UST: variants seen among roughly 807,000 people sequenced by gnomAD.
UST encodes uronyl 2-sulfotransferase.
A neutral mutation model predicts 45.6 loss-of-function variants in UST; 21 were observed. That is an observed-to-expected ratio of 0.46 (90% CI 0.33 to 0.66). UST has a LOEUF of 0.66. UST is among the 30% of genes least tolerant of loss of function. The pLI is 0.02. For synonymous variants in UST, 215 were observed against 200.6 expected (o/e 1.07, Z -0.61); for missense variants, 463 against 512.4 (o/e 0.90, Z 0.93).
intron 2 of UST, among the ~76,000 whole-genome samples, chr6:148,923,082 G>C (rs1351107459): frequency 6.6e-6 from 1 of 152,156 alleles, no homozygotes; most frequent in African/African-American, 2.4e-5. Flanking sequence ...ACAGGCATAA[G>C]CCTTTTAGTG....
chr6:148,797,733 G>A lies in UST; in HGVS notation c.247+50056G>A, dbSNP rs533826891. On this transcript the variant is annotated intron_variant, in intron 1 of 7. Transcript: ENST00000367463. ...TTTGCATTGAGTTTTGAAAGACAAC[G>A]AGGAGTTGTTCATAGGAAGGAGGGA... Among the ~76,000 whole-genome samples, 7 of 152,270 alleles carry A rather than the reference G, an allele frequency of 4.6e-5. No individual in the cohort carries two copies. In the South Asian group the frequency reaches 8.3e-4, roughly 18 times the overall value.
intron 1 of UST, 71 bp downstream of exon 1, chr6:148,747,748 C>T: frequency 2.0e-6 from 3 of 1,465,026 alleles, no homozygotes; most frequent in African/African-American, 1.5e-5. Flanking sequence ...AGGGTCGCGG[C>T]GGGGACTTCT....
At chr6:148,797,374 T>C (rs1244106835) in intron 1 of UST, among the ~76,000 whole-genome samples, 1 of 152,266 alleles carries the variant, frequency 6.6e-6, no homozygotes, top group Non-Finnish European at 1.5e-5. Context: ...TTTTATATGC[T>C]GCTTTATATA....
intron 7 of UST, among the ~76,000 whole-genome samples, chr6:149,022,369 G>A (rs1323040579): frequency 6.6e-6 from 1 of 152,136 alleles, no homozygotes; most frequent in Non-Finnish European, 1.5e-5. Flanking sequence ...GGAGGCCGAG[G>A]CAGGTGGATC....
intron 2 of UST, among the ~76,000 whole-genome samples, chr6:148,937,481 T>TA (rs1562305900): frequency 6.6e-6 from 1 of 152,212 alleles, no homozygotes; most frequent in Non-Finnish European, 1.5e-5. Flanking sequence ...TAACATCTTT[T>TA]AAAAAATGAA....
At chr6:149,059,024 G>A (rs542687392) in intron 7 of UST, among the ~76,000 whole-genome samples, 2 of 152,128 alleles carry the variant, frequency 1.3e-5, no homozygotes, top group South Asian at 2.1e-4. Flanking sequence ...CCATGATGCC[G>A]AACTTGGGGA....
intron 1 of UST, among the ~76,000 whole-genome samples, chr6:148,862,828 C>CA (rs1778345779): frequency 6.6e-6 from 1 of 152,204 alleles, no homozygotes; most frequent in African/African-American, 2.4e-5. Flanking sequence ...TATTGGCCCC[C>CA]ACTCTCTTCT....
At chr6:149,046,458 G>C (rs1776397096) in intron 7 of UST, among the ~76,000 whole-genome samples, 1 of 152,234 alleles carries the variant, frequency 6.6e-6, no homozygotes, top group African/African-American at 2.4e-5. Flanking sequence ...TCTTCTATCT[G>C]TGAAGTTTTC....
intron 4 of UST, 79 bp from the exon 5 acceptor site, chr6:148,964,331 G>A: frequency 1.3e-6 from 2 of 1,546,676 alleles, no homozygotes; most frequent in Middle Eastern, 1.7e-4. Context: ...TAACCTAGAG[G>A]GAAGGGGAGA....
intron 1 of UST, among the ~76,000 whole-genome samples, chr6:148,870,294 C>T (rs753745177): frequency 3.9e-5 from 6 of 152,160 alleles, no homozygotes; most frequent in Admixed American, 6.5e-5. Context: ...TCTCAGTGCC[C>T]TCCTGACCCC....
At chr6:149,064,526 G>A (rs947862475) in intron 7 of UST, among the ~76,000 whole-genome samples, 10 of 152,176 alleles carry the variant, frequency 6.6e-5, no homozygotes, top group East Asian at 1.9e-4. Flanking sequence ...ATTCCTGTGC[G>A]TGGTGCAGAA....
At chr6:149,021,819 A>G (rs954227502) in intron 7 of UST, among the ~76,000 whole-genome samples, 4 of 152,204 alleles carry the variant, frequency 2.6e-5, no homozygotes, top group African/African-American at 9.6e-5. Flanking sequence ...TGTCTTGAGC[A>G]TGTTGTTGGG....
chr6:148,747,566 C>G lies in UST; in HGVS notation c.136C>G (p.Arg46Gly). 6.3e-7 allele frequency: 1 copy of G among 1,582,104 alleles called. No individual in the cohort carries two copies. Among genetic ancestry groups the G allele is most frequent in the Non-Finnish European group, 8.6e-7 (1 of 1,165,936 alleles). Residue 46 changes from arginine (R) to glycine (G), a missense_variant, in exon 1 of 8, where the codon CGG becomes GGG. This residue lies in a region of UST where 176 missense variants were observed against 138.3 expected (regional missense o/e 1.27). Coordinates refer to ENST00000367463, the MANE Select transcript of UST (RefSeq NM_005715.3). Reference sequence around the variant, plus strand: ...GCTGCCTTTCCTGCGCTTCTCCCTCCGGGACTACGGCTTCTGCATGGCCAC... The same window carrying G: ...GCTGCCTTTCCTGCGCTTCTCCCTCGGGGACTACGGCTTCTGCATGGCCAC... ...PLLPFLRFSL[R>G]DYGFCMATLL...
intron 7 of UST, among the ~76,000 whole-genome samples, chr6:149,055,070 C>G (rs1208981732): frequency 6.6e-6 from 1 of 152,018 alleles, no homozygotes; most frequent in Non-Finnish European, 1.5e-5. Flanking sequence ...GCAGTCAGCC[C>G]AGCCAGGAGG....
chr6:148,852,164 T>C (rs1010356479), intron 1 of UST, among the ~76,000 whole-genome samples: 2 of 152,186 alleles, frequency 1.3e-5, no homozygotes, highest in South Asian at 4.2e-4. Context: ...GTGTTGTCAT[T>C]AAGAAAGGAC....
At chr6:148,749,902 C>G (rs1332801605) in intron 1 of UST, among the ~76,000 whole-genome samples, 1 of 152,134 alleles carries the variant, frequency 6.6e-6, no homozygotes, top group Non-Finnish European at 1.5e-5. Flanking sequence ...TACCCTTGGC[C>G]AAATTTGTTC....
At chr6:148,946,193 G>C (rs951971180) in intron 3 of UST, among the ~76,000 whole-genome samples, 1 of 152,114 alleles carries the variant, frequency 6.6e-6, no homozygotes, top group Non-Finnish European at 1.5e-5. Flanking sequence ...GATCCCTAAG[G>C]CATGGTTAAT....
chr6:149,006,329 A>G (rs1775695168), intron 5 of UST, among the ~76,000 whole-genome samples: 2 of 152,148 alleles, frequency 1.3e-5, no homozygotes, highest in Admixed American at 1.3e-4. Flanking sequence ...AAGTGAGAAC[A>G]TGTAGTGTTT....
At chr6:149,027,764 AAC>A (rs201598095) in intron 7 of UST, 18 of 150,254 alleles carry the variant, frequency 1.2e-4, no homozygotes, top group South Asian at 2.1e-4. Context: ...CTCTCTTCAT[AAC>A]ACACACACAC....
Sources: gnomAD v4.1 joint callset for allele counts (sites outside exome capture counted in the v4.1 genomes callset) on GRCh38, gnomAD v4.1.1 for gene constraint, gnomAD v4.1.1 regional missense constraint, MANE v1.5 for transcripts, NCBI Gene and HGNC (gene_info 2026-07-23, HGNC 2026-07-21) for gene names.